Variants in LIN52 observed in about 807,000 individuals in gnomAD.
The protein encoded by LIN52 is protein lin-52 homolog.
Under a neutral mutation model 18.5 loss-of-function variants are expected in LIN52, and 4 were observed. The observed-to-expected ratio is 0.22, with a 90% CI of 0.11 to 0.49. The LOEUF is 0.49. Among genes scored for constraint, LIN52 ranks in the 20% least tolerant of loss-of-function variants. The probability of loss-of-function intolerance (pLI) is 0.97; values close to 1 mark genes in which losing one functional copy is unlikely to be tolerated. For synonymous variants in LIN52, 34 were observed against 45.5 expected (o/e 0.75, Z 1.02); for missense variants, 102 against 139.5 (o/e 0.73, Z 1.35).
In LIN52 at chr14:74,090,326, TTTTGTTTG is replaced by T. The variant is rs565819770; in HGVS notation, c.20-890_20-883del. 2.0e-5 allele frequency among the ~76,000 whole-genome samples: 3 copies of T among 150,430 alleles called. No homozygotes were observed. In the East Asian group the frequency reaches 5.9e-4, roughly 30 times the overall value. ...GAGGCACCCCACCTGCCCTGGTGTTTTTTGTTTGTTTGTTTGTTTGTTTTTTTGAGATG... is the reference window on the plus strand; with the variant it reads ...GAGGCACCCCACCTGCCCTGGTGTTTTTTGTTTGTTTGTTTTTTTGAGATG... On this transcript the variant is annotated intron_variant, in intron 1 of 5. Transcript: ENST00000555028.
At chr14:74,117,612 G>T (rs1265433572) in intron 5 of LIN52, among the ~76,000 whole-genome samples, 1 of 152,054 alleles carries the variant, frequency 6.6e-6, no homozygotes, top group Non-Finnish European at 1.5e-5. Context: ...TCTGCCCATG[G>T]GGAAATAAAT....
chr14:74,191,192 T>C (rs1476921931), intron 5 of LIN52, among the ~76,000 whole-genome samples: 3 of 152,220 alleles, frequency 2.0e-5, no homozygotes, highest in African/African-American at 7.2e-5. Flanking sequence ...ATAAATCACA[T>C]TGCTCTCTTT....
At chr14:74,135,356 C>T (rs1026529700) in intron 5 of LIN52, among the ~76,000 whole-genome samples, 4 of 152,200 alleles carry the variant, frequency 2.6e-5, no homozygotes, top group African/African-American at 9.6e-5. Flanking sequence ...AGCCACCTCA[C>T]CCAGCCTCTT....
chr14:74,130,265 T>C (rs942201109), intron 5 of LIN52, among the ~76,000 whole-genome samples: 3 of 141,808 alleles, frequency 2.1e-5, no homozygotes, highest in East Asian at 4.8e-4. Context: ...ATTTATTAGA[T>C]AGGCATTTTT....
rs867567636 is a variant in LIN52, at chr14:74,088,713, A to G, written c.20-2519A>G. ...AGAAAAGTACATTTTGTACGTATGT[A>G]TATTTTCTGGGGAGTGAGTTCATTT... On this transcript the variant is annotated intron_variant, in intron 1 of 5. Transcript: ENST00000555028. Among the ~76,000 whole-genome samples, 14 of 152,336 alleles carry G rather than the reference A, an allele frequency of 9.2e-5. No homozygotes were observed. The South Asian group carries it at 1.7e-3, about 18-fold the overall frequency.
rs550088729 is a variant in LIN52, at chr14:74,162,528, T to C, written c.284-36394T>C. Among the ~76,000 whole-genome samples, 5 of 149,078 alleles carry C rather than the reference T, an allele frequency of 3.4e-5. No individual in the cohort carries two copies. In the East Asian group the frequency reaches 9.8e-4, roughly 29 times the overall value. On this transcript the variant is annotated intron_variant, in intron 5 of 5. Transcript: ENST00000555028. ...CTCCCACCCTCTTAGCCACATTGAA[T>C]TTTCTTACTTTCCTTATTTATTTAT...
intron 5 of LIN52, among the ~76,000 whole-genome samples, chr14:74,136,084 A>T (rs1455857516): frequency 6.6e-6 from 1 of 152,184 alleles, no homozygotes; most frequent in African/African-American, 2.4e-5. Flanking sequence ...CTAGTGTATC[A>T]CTTGCTATGT....
intron 4 of LIN52, 45 bp downstream of exon 4, chr14:74,097,905 T>C: frequency 7.1e-7 from 1 of 1,401,914 alleles, no homozygotes; most frequent in African/African-American, 1.4e-5. Context: ...TTTATGTTTT[T>C]CCATAGACCA....
At position 74,194,153 on chromosome 14, in the gene LIN52, G is replaced by C. The variant is rs149808003; in HGVS notation, c.284-4769G>C. ...AAAGGTGCAGAGCCCTGGCAGAGAGGGCTGGTCTTGAGAGAGGTTCTGCAC... is the reference window on the plus strand; with the variant it reads ...AAAGGTGCAGAGCCCTGGCAGAGAGCGCTGGTCTTGAGAGAGGTTCTGCAC... On this transcript the variant is annotated intron_variant, in intron 5 of 5. Transcript: ENST00000555028. 3.8e-3 allele frequency among the ~76,000 whole-genome samples: 574 copies of C among 152,268 alleles called. 4 individuals are homozygous for C. The highest frequency in any genetic ancestry group is 6.1e-3 in the Non-Finnish European group (416 of 68,018).
intron 5 of LIN52, among the ~76,000 whole-genome samples, chr14:74,107,508 C>T (rs2139895551): frequency 6.6e-6 from 1 of 152,200 alleles, no homozygotes; most frequent in Non-Finnish European, 1.5e-5. Context: ...AAAGTGAGTG[C>T]TCTCTCTGGC....
At chr14:74,141,645 G>T (rs914393368) in intron 5 of LIN52, among the ~76,000 whole-genome samples, 4 of 152,212 alleles carry the variant, frequency 2.6e-5, no homozygotes, top group African/African-American at 9.6e-5. Context: ...TTTTAGGGGG[G>T]AGGTAGTGTG....
intron 5 of LIN52, among the ~76,000 whole-genome samples, chr14:74,158,832 C>G (rs1363308197): frequency 6.6e-6 from 1 of 152,240 alleles, no homozygotes; most frequent in East Asian, 1.9e-4. Context: ...TCTATCACCA[C>G]AGTTCACAAA....
intron 3 of LIN52, among the ~76,000 whole-genome samples, chr14:74,096,892 G>T (rs773764328): frequency 8.5e-5 from 13 of 152,188 alleles, no homozygotes; most frequent in Non-Finnish European, 1.9e-4. Flanking sequence ...TTACACAGGT[G>T]ATTCTCGTGT....
At chr14:74,130,278 G>GTTTTGTTTTTTTTTTTTT (rs2061055066) in intron 5 of LIN52, among the ~76,000 whole-genome samples, 1 of 64,842 alleles carries the variant, frequency 1.5e-5, no homozygotes, top group Non-Finnish European at 2.8e-5. Flanking sequence ...GCATTTTTTG[G>GTTTTGTTTTTTTTTTTTT]TTTTTTTTTT....
Position 74,119,314 on chromosome 14 carries a change from C to G in LIN52, c.283+18076C>G, listed in dbSNP as rs532240304. Among the ~76,000 whole-genome samples, 159 of 151,394 alleles carry G rather than the reference C, an allele frequency of 1.1e-3. 1 individual carries two copies. The highest frequency in any genetic ancestry group is 3.7e-3 in the African/African-American group (155 of 41,346). On this transcript the variant is annotated intron_variant, in intron 5 of 5. Coordinates refer to ENST00000555028, the MANE Select transcript of LIN52 (RefSeq NM_001024674.3). ...ATAGCTAGGACTACAGGCGCCCCCC[C>G]ACCACGCCCAGCTAATTTTTTTTGT...
chr14:74,124,486 T>C, intron 5 of LIN52, among the ~76,000 whole-genome samples: 1 of 152,110 alleles, frequency 6.6e-6, no homozygotes, highest in Non-Finnish European at 1.5e-5. Flanking sequence ...CATTTTAAAA[T>C]TTTATAGAAA....
chr14:74,116,730 A>G (rs1474177529), intron 5 of LIN52, among the ~76,000 whole-genome samples: 2 of 151,574 alleles, frequency 1.3e-5, no homozygotes, highest in African/African-American at 2.4e-5. Flanking sequence ...AAAAGAAAAG[A>G]AAAAAAGCAC....
At chr14:74,198,668 G>A (rs1345224781) in intron 5 of LIN52, among the ~76,000 whole-genome samples, 1 of 152,186 alleles carries the variant, frequency 6.6e-6, no homozygotes, top group Non-Finnish European at 1.5e-5. Context: ...TTGTTTAAAG[G>A]TGGATGATAA....
chr14:74,199,988 C>G lies in LIN52; in HGVS notation c.*1011C>G, dbSNP rs1156389096. ...TTTCATGGAGTTCTTCACCACTTATCTGTCTCTGTTAAAATCTGAAAATCT... is the reference window on the plus strand; with the variant it reads ...TTTCATGGAGTTCTTCACCACTTATGTGTCTCTGTTAAAATCTGAAAATCT... On this transcript the variant is annotated 3_prime_UTR_variant, in exon 6 of 6. Transcript: ENST00000555028. The G allele has an allele frequency of 1.3e-5, 2 of 152,170 alleles. No homozygotes were observed. Among genetic ancestry groups the G allele is most frequent in the Non-Finnish European group, 2.9e-5 (2 of 68,032 alleles). 9.4% of individuals were successfully genotyped at this position (152,170 alleles called of 1,614,324 possible).
Sources: gnomAD v4.1 joint callset for allele counts (sites outside exome capture counted in the v4.1 genomes callset) on GRCh38, gnomAD v4.1.1 for gene constraint, MANE v1.5 for transcripts, NCBI Gene and HGNC (gene_info 2026-07-23, HGNC 2026-07-21) for gene names.